Variants in C4orf50 observed in about 807,000 individuals in gnomAD.
C4orf50 encodes the protein uncharacterized protein C4orf50.
A neutral mutation model predicts 77.2 loss-of-function variants in C4orf50; 80 were observed. The ratio of observed to expected loss-of-function variants is 1.04; its 90% CI spans 0.87 to 1.25. The LOEUF (loss-of-function observed/expected upper bound fraction) is 1.25. Among genes scored for constraint, C4orf50 ranks in the 50% most tolerant of loss-of-function variants. The pLI is 0.00. For synonymous variants in C4orf50, 532 were observed against 465.3 expected (o/e 1.14, Z -1.84); for missense variants, 1,257 against 1,152.9 (o/e 1.09, Z -1.31).
rs887763602 is a variant in C4orf50, at chr4:6,017,298, T to C, written c.287+847A>G. The stretch of plus-strand genomic sequence containing the variant: ...CAGCCACACAGGGAAGAGACGATGT[T>C]ACCAGGGCAGGGCAGAGCAGCCAGG... On this transcript the variant is annotated intron_variant, in intron 23 of 33. Transcript: ENST00000531445. This position sits in a 1 kb window ranked among gnomAD's most constrained non-coding sequence, Gnocchi z 4.7. Among the ~76,000 whole-genome samples, 2 of 152,186 alleles carry C rather than the reference T, an allele frequency of 1.3e-5. No homozygotes were observed. The highest frequency in any genetic ancestry group is 2.9e-5 in the Non-Finnish European group (2 of 68,030).
Position 5,916,168 on chromosome 4 carries a change from T to C in C4orf50, c.*2475-17980A>G, listed in dbSNP as rs1434812199. Among the ~76,000 whole-genome samples the C allele has an allele frequency of 6.6e-6, 1 of 152,234 alleles. No homozygotes were observed. Among genetic ancestry groups the C allele is most frequent in the African/African-American group, 2.4e-5 (1 of 41,454 alleles). ...TACCATTTTCCTGGTTCCTGTGGGC[T>C]GTGACTTCTTTCTTATTCTGTCCTG... On this transcript the variant is annotated intron_variant, in intron 7 of 7. Coordinates refer to the C4orf50 transcript ENST00000324058. The surrounding 1 kb of genome is among the most constrained non-coding windows in gnomAD (Gnocchi z 4.4).
At position 5,990,794 on chromosome 4, in the gene C4orf50, G is replaced by A. The variant is rs1263719455; in HGVS notation, c.1252C>T (p.Gln418Ter). The change falls in exon 28 of 34, where the codon CAG becomes TAG. Residue 418 changes from glutamine (Q) to a stop codon, truncating the protein, a stop_gained. Transcript: ENST00000531445. LOFTEE classifies it high-confidence loss of function. Reference sequence around the variant, plus strand: ...CAGCCACAGACCAGGAGAAGAATCTGTTCATCCAAGCTGGGCTCTGCCAGA... The same window carrying A: ...CAGCCACAGACCAGGAGAAGAATCTATTCATCCAAGCTGGGCTCTGCCAGA... The A allele has an allele frequency of 2.8e-5, 11 of 399,054 alleles. No individual in the cohort carries two copies. The highest frequency in any genetic ancestry group is 4.0e-5 in the Non-Finnish European group (9 of 226,160). 24.7% of individuals were successfully genotyped at this position (399,054 alleles called of 1,614,324 possible).
At position 5,970,010 on chromosome 4, in the gene C4orf50, C is replaced by A. The variant is rs1008205710; in HGVS notation, c.4105-2548G>T. Among the ~76,000 whole-genome samples the A allele has an allele frequency of 6.6e-6, 1 of 152,140 alleles. No individual in the cohort carries two copies. Among genetic ancestry groups the A allele is most frequent in the Admixed American group, 6.5e-5 (1 of 15,286 alleles). On this transcript the variant is annotated intron_variant, in intron 31 of 33. Transcript: ENST00000531445. The surrounding 1 kb of genome is among the most constrained non-coding windows in gnomAD (Gnocchi z 4.3). Reference sequence around the variant, plus strand: ...AGGTGAGCCCCGGCAACCCTCTTCTCCTCTCCTTTGGTACCCGGGCCTCTG... The same window carrying A: ...AGGTGAGCCCCGGCAACCCTCTTCTACTCTCCTTTGGTACCCGGGCCTCTG...
intron 26 of C4orf50, among the ~76,000 whole-genome samples, chr4:5,994,122 C>G (rs144943814): frequency 1.3e-5 from 2 of 152,180 alleles, no homozygotes; most frequent in Admixed American, 1.3e-4. Flanking sequence ...CAGCTGAGCC[C>G]GAGCCAAAGG....
chr4:5,922,160 C>T (rs1717304097), intron 7 of C4orf50, among the ~76,000 whole-genome samples: 1 of 152,120 alleles, frequency 6.6e-6, no homozygotes, highest in African/African-American at 2.4e-5. Flanking sequence ...GCTGTCAGAG[C>T]CCAGAGCACA....
intron 23 of C4orf50, among the ~76,000 whole-genome samples, chr4:6,016,421 C>T (rs73071535): frequency 0.013 from 1,921 of 152,164 alleles, 47 homozygotes; most frequent in African/African-American, 0.044. Context: ...TGGTGATGGG[C>T]GCCTATAGTC....
Position 5,996,163 on chromosome 4 carries a change from C to T in C4orf50, c.964-1687G>A, listed in dbSNP as rs1259320761. Among the ~76,000 whole-genome samples, 3 of 152,228 alleles carry T rather than the reference C, an allele frequency of 2.0e-5. No individual in the cohort carries two copies. The South Asian group carries it at 6.2e-4, about 32-fold the overall frequency. ...CTTCCCCTCACAGCAACCTGCTTGCCTGTCCCAGCGCGTCCGTGCTCTCCC... is the reference window on the plus strand; with the variant it reads ...CTTCCCCTCACAGCAACCTGCTTGCTTGTCCCAGCGCGTCCGTGCTCTCCC... On this transcript the variant is annotated intron_variant, in intron 25 of 33. Transcript: ENST00000531445.
At chr4:5,936,923 G>A (rs561080319) in intron 7 of C4orf50, among the ~76,000 whole-genome samples, 42 of 151,878 alleles carry the variant, frequency 2.8e-4, no homozygotes, top group Middle Eastern at 3.4e-3. Context: ...AATAACAGGC[G>A]TCTTCATGAA....
At chr4:6,004,027 G>GATGGTGA (rs1722024386) in intron 25 of C4orf50, among the ~76,000 whole-genome samples, 38 of 30,710 alleles carry the variant, frequency 1.2e-3, no homozygotes, top group African/African-American at 2.8e-3. Context: ...TGGTGATAAT[G>GATGGTGA]TGATAGTGAT....
At chr4:5,945,802 A>G (rs1422297437) in intron 7 of C4orf50, among the ~76,000 whole-genome samples, 1 of 152,156 alleles carries the variant, frequency 6.6e-6, no homozygotes, top group Admixed American at 6.5e-5. Context: ...GGGCCGGGGC[A>G]TCTGCCCTCT....
intron 23 of C4orf50, among the ~76,000 whole-genome samples, chr4:6,012,878 A>G (rs1722544450): frequency 6.6e-6 from 1 of 152,206 alleles, no homozygotes; most frequent in Admixed American, 6.5e-5. Context: ...GTATAATAGA[A>G]ACCATGATAC....
At chr4:5,956,530 G>A (rs1718966402), downstream of C4orf50, among the ~76,000 whole-genome samples, 1 of 152,202 alleles carries the variant, frequency 6.6e-6, no homozygotes, top group African/African-American at 2.4e-5. Context: ...GAACTCCTTT[G>A]CAGCTCAAGC....
exon 28 of C4orf50, chr4:5,989,224 A>G (rs1721101096): frequency 1.3e-6 from 2 of 1,536,042 alleles, no homozygotes; most frequent in Non-Finnish European, 1.7e-6. Flanking sequence ...GTTGTCATGT[A>G]AAATCTGGCT....
At chr4:5,940,375 A>C (rs1034249675) in intron 7 of C4orf50, among the ~76,000 whole-genome samples, 4 of 152,218 alleles carry the variant, frequency 2.6e-5, no homozygotes, top group East Asian at 1.9e-4. Flanking sequence ...CACTGACAGA[A>C]AGAACCCAGG....
At chr4:5,989,069 G>C (rs1560586025) in exon 28 of C4orf50, 2 of 1,536,034 alleles carry the variant, frequency 1.3e-6, no homozygotes, top group Non-Finnish European at 1.7e-6. Context: ...TATTGATCCA[G>C]TTCTTTCTTT....
In C4orf50 at chr4:5,990,349, C is replaced by T. The variant is rs111570039; in HGVS notation, c.1697G>A (p.Gly566Glu). 1,875 of 605,132 alleles carry T rather than the reference C, an allele frequency of 3.1e-3. 25 individuals are homozygous for T. In the African/African-American group the frequency reaches 0.033, roughly 11 times the overall value. The allele number at this position is 605,132 out of a possible 1,614,324, so 37.5% of individuals were successfully genotyped here. Residue 566 changes from glycine to glutamate, a missense_variant, in exon 28 of 34, where the codon GGG becomes GAG. Transcript: ENST00000531445. ...GTTTTTCCCCTTCCTGCCCAAAGTCCCCCTTGCCTTCCCCTCTTCAGTTCT... is the reference window on the plus strand; with the variant it reads ...GTTTTTCCCCTTCCTGCCCAAAGTCTCCCTTGCCTTCCCCTCTTCAGTTCT...
At chr4:5,925,343 TC>T (rs1717470811) in intron 7 of C4orf50, among the ~76,000 whole-genome samples, 1 of 152,096 alleles carries the variant, frequency 6.6e-6, no homozygotes, top group Non-Finnish European at 1.5e-5. Flanking sequence ...CCAACTCTCT[TC>T]GCAAAGGACC....
At position 5,980,920 on chromosome 4, in the gene C4orf50, G is replaced by A. The variant is rs201917204; in HGVS notation, c.3700-582C>T. Among the ~76,000 whole-genome samples the A allele has an allele frequency of 1.2e-4, 19 of 152,270 alleles. No individual in the cohort carries two copies. The East Asian group carries it at 1.7e-3, about 14-fold the overall frequency. On this transcript the variant is annotated intron_variant, in intron 28 of 33. Coordinates refer to ENST00000531445, the Ensembl canonical transcript of C4orf50. ...TTCTTGGATCTAACATGAGATTAGC[G>A]GGTTTCATTCAGATGCCAAAGGGAA...
exon 34 of C4orf50, chr4:5,959,182 A>G (rs1719130895): frequency 3.1e-6 from 2 of 636,358 alleles, no homozygotes; most frequent in Non-Finnish European, 2.7e-6. Flanking sequence ...CAAACTCCTC[A>G]GAATTTGCCA....
Sources: allele counts gnomAD v4.1 joint callset (sites outside exome capture counted in the v4.1 genomes callset), GRCh38; gene constraint gnomAD v4.1.1; non-coding constraint Gnocchi (gnomAD v3.1); transcripts MANE v1.5; gene names NCBI Gene and HGNC (gene_info 2026-07-23, HGNC 2026-07-21).